MAP3K13: variants seen among roughly 807,000 people sequenced by gnomAD.
The protein encoded by MAP3K13 is leucine zipper-bearing kinase.
In MAP3K13, 52 loss-of-function variants were observed where a neutral mutation model predicts 104.0. The observed-to-expected ratio is 0.50, with a 90% CI of 0.40 to 0.63. MAP3K13 has a LOEUF of 0.63. MAP3K13 is among the 20% of genes least tolerant of loss of function. MAP3K13 has a pLI of 0.00. For missense variants in MAP3K13, 914 were observed against 1,218.5 expected, an observed-to-expected ratio of 0.75 and a Z score of 3.72; for synonymous variants, 394 against 442.2, an observed-to-expected ratio of 0.89 and a Z score of 1.37.
chr3:185,375,884 A>G (rs1724403196), intron 1 of MAP3K13, among the ~76,000 whole-genome samples: 1 of 152,174 alleles, frequency 6.6e-6, no homozygotes. Context: ...CAGGATGTGA[A>G]AGGCATATTT....
chr3:185,431,404 A>G (rs1401102516), intron 2 of MAP3K13, among the ~76,000 whole-genome samples: 2 of 152,244 alleles, frequency 1.3e-5, no homozygotes, highest in African/African-American at 2.4e-5. Flanking sequence ...ATTATAAGCC[A>G]TACTGCAATG....
At chr3:185,383,015 C>A (rs2108760569) in intron 1 of MAP3K13, among the ~76,000 whole-genome samples, 1 of 144,398 alleles carries the variant, frequency 6.9e-6, no homozygotes, top group African/African-American at 2.6e-5. Flanking sequence ...TCCCCCCTCC[C>A]CCCAACCCAC....
chr3:185,393,354 A>G (rs1254820246), intron 1 of MAP3K13, among the ~76,000 whole-genome samples: 2 of 152,256 alleles, frequency 1.3e-5, no homozygotes, highest in African/African-American at 4.8e-5. Context: ...GTCAATATCC[A>G]CAGGGCAATA....
At chr3:185,297,890 C>CTG (rs1219104398) in intron 2 of MAP3K13, among the ~76,000 whole-genome samples, 1 of 151,780 alleles carries the variant, frequency 6.6e-6, no homozygotes, top group Non-Finnish European at 1.5e-5. Flanking sequence ...CTCTCTCTCT[C>CTG]TGTGTGCATA....
chr3:185,460,856 T>C (rs1246831952), intron 7 of MAP3K13, among the ~76,000 whole-genome samples: 1 of 152,158 alleles, frequency 6.6e-6, no homozygotes, highest in Non-Finnish European at 1.5e-5. Context: ...TGTCAGGAGA[T>C]TTATTTCCTC....
chr3:185,357,448 AAAAAAAAAAAAAAAAAAAAG>A (rs910985728), intron 2 of MAP3K13, among the ~76,000 whole-genome samples: 2 of 6,256 alleles, frequency 3.2e-4, no homozygotes, highest in African/African-American at 4.7e-4. Flanking sequence ...AACTCCATCT[AAAAAAAAAAAAAAAAAAAAG>A]AAAAAAAGAA....
intron 7 of MAP3K13, among the ~76,000 whole-genome samples, chr3:185,458,833 A>G (rs940135211): frequency 6.6e-6 from 1 of 152,246 alleles, no homozygotes; most frequent in African/African-American, 2.4e-5. Flanking sequence ...CAGCACATGT[A>G]TAAAGATGTA....
At chr3:185,394,581 G>A (rs1489860868) in intron 1 of MAP3K13, among the ~76,000 whole-genome samples, 1 of 152,144 alleles carries the variant, frequency 6.6e-6, no homozygotes. Context: ...AACTATTCCA[G>A]GGTATACTAC....
At chr3:185,340,347 G>A (rs1722672718) in intron 2 of MAP3K13, among the ~76,000 whole-genome samples, 1 of 152,164 alleles carries the variant, frequency 6.6e-6, no homozygotes. Flanking sequence ...GGGAGAAGAA[G>A]CAGTGAGGCC....
intron 2 of MAP3K13, among the ~76,000 whole-genome samples, chr3:185,357,389 G>C (rs1408452592): frequency 2.0e-5 from 3 of 147,086 alleles, no homozygotes; most frequent in African/African-American, 7.5e-5. Context: ...CGGAGGTTAC[G>C]GTGAGCCAAG....
At chr3:185,359,903 GA>G (rs566329697), upstream of MAP3K13, among the ~76,000 whole-genome samples, 120 of 151,410 alleles carry the variant, frequency 7.9e-4, no homozygotes, top group Non-Finnish European at 1.5e-3. Flanking sequence ...TGGCTTAAAT[GA>G]GTTGTTTTCC....
In MAP3K13 at chr3:185,486,496, G is replaced by A. The variant is rs761184637; in HGVS notation, c.*4040G>A. On this transcript the variant is annotated 3_prime_UTR_variant, in exon 14 of 14. Coordinates refer to ENST00000265026, the MANE Select transcript of MAP3K13 (RefSeq NM_004721.5). ...ATAACCGGGAAAATCTTGAATTGAT[G>A]TATGTTTCTTTGAGAACGACTCCAC... The A allele has an allele frequency of 6.6e-6, 1 of 152,336 alleles. No individual in the cohort carries two copies. The highest frequency in any genetic ancestry group is 3.4e-3 in the Middle Eastern group (1 of 296). The allele number at this position is 152,336 out of a possible 1,614,324, so 9.4% of individuals were successfully genotyped here. A position where few individuals can be genotyped will look rare whatever the true frequency, so the allele number is the denominator to read the frequency against.
At chr3:185,285,005 A>C (rs1351891494) in intron 1 of MAP3K13, among the ~76,000 whole-genome samples, 1 of 151,954 alleles carries the variant, frequency 6.6e-6, no homozygotes, top group Non-Finnish European at 1.5e-5. Flanking sequence ...ATAGTGGGGT[A>C]GGAAACCCTG....
intron 1 of MAP3K13, among the ~76,000 whole-genome samples, chr3:185,399,202 A>G (rs1712610656): frequency 6.6e-6 from 1 of 152,110 alleles, no homozygotes; most frequent in Non-Finnish European, 1.5e-5. Flanking sequence ...GAGGGGAGGA[A>G]AAAGAAACAA....
At chr3:185,424,528 AG>A (rs1336379174) in intron 1 of MAP3K13, among the ~76,000 whole-genome samples, 12 of 152,192 alleles carry the variant, frequency 7.9e-5, no homozygotes, top group African/African-American at 2.9e-4. Flanking sequence ...CTTATACACC[AG>A]CTTTTAAGAG....
At position 185,484,473 on chromosome 3, in the gene MAP3K13, G is replaced by A. The variant is rs1309753393; in HGVS notation, c.*2017G>A. 2 of 152,196 alleles carry A rather than the reference G, an allele frequency of 1.3e-5. No homozygotes were observed. The highest frequency in any genetic ancestry group is 2.9e-5 in the Non-Finnish European group (2 of 68,042). 9.4% of individuals were successfully genotyped at this position (152,196 alleles called of 1,614,324 possible). ...ACGTTAGGAAATACTTGCACAGACA[G>A]CTGTTAAACCATTTCCAATGCACAT... On this transcript the variant is annotated 3_prime_UTR_variant, in exon 14 of 14. Transcript: ENST00000265026.
rs1193575671 is a variant in MAP3K13, at chr3:185,486,400, G to C, written c.*3944G>C. 2 of 152,160 alleles carry C rather than the reference G, an allele frequency of 1.3e-5. No individual in the cohort carries two copies. The highest frequency in any genetic ancestry group is 2.9e-5 in the Non-Finnish European group (2 of 68,040). The allele number at this position is 152,160 out of a possible 1,614,324, so 9.4% of individuals were successfully genotyped here. A position where few individuals can be genotyped will look rare whatever the true frequency, so the allele number is the denominator to read the frequency against. On this transcript the variant is annotated 3_prime_UTR_variant, in exon 14 of 14. Coordinates refer to ENST00000265026, the MANE Select transcript of MAP3K13 (RefSeq NM_004721.5). ...GACTAGAGGTTTCAGAGGAGAATAA[G>C]GTCCTTAGTGGAGGTTAAAAAGGGA...
At chr3:185,391,254 C>A (rs1005682762) in intron 1 of MAP3K13, among the ~76,000 whole-genome samples, 1 of 152,176 alleles carries the variant, frequency 6.6e-6, no homozygotes, top group Non-Finnish European at 1.5e-5. Context: ...ACCCTGGCAA[C>A]CACCATCCTA....
chr3:185,304,603 A>C lies in MAP3K13; in HGVS notation c.-86+18960A>C, dbSNP rs1224422580. Among the ~76,000 whole-genome samples, 3 of 151,704 alleles carry C rather than the reference A, an allele frequency of 2.0e-5. No individual in the cohort carries two copies. The East Asian group carries it at 5.8e-4, about 29-fold the overall frequency. ...CTCTTGACAATTTTTTTTAATTTCA[A>C]GTCTCTTTTATCTGATATTAGTGTG... On this transcript the variant is annotated intron_variant, in intron 2 of 14. Transcript: ENST00000424227.
Sources: gnomAD v4.1 joint callset for allele counts (sites outside exome capture counted in the v4.1 genomes callset) on GRCh38, gnomAD v4.1.1 for gene constraint, MANE v1.5 for transcripts, NCBI Gene and HGNC (gene_info 2026-07-23, HGNC 2026-07-21) for gene names.